Variants in ADGRD1 observed in about 807,000 individuals in gnomAD.
ADGRD1 encodes the protein G-protein coupled receptor 133.
Under a neutral mutation model 113.4 loss-of-function variants are expected in ADGRD1, and 77 were observed. The ratio of observed to expected loss-of-function variants is 0.68; its 90% CI spans 0.57 to 0.82. The LOEUF (loss-of-function observed/expected upper bound fraction) is 0.82, where lower values mean the gene tolerates loss of function less well. ADGRD1 is among the 40% of genes least tolerant of loss of function. The pLI is 0.00. For missense variants in ADGRD1, 1,036 were observed against 1,139.1 expected (o/e 0.91, Z 1.30); for synonymous variants, 474 against 475.0 (o/e 1.00, Z 0.03).
At position 131,084,873 on chromosome 12, in the gene ADGRD1, T is replaced by C. The variant is rs898791292; in HGVS notation, c.1671+210T>C. On this transcript the variant is annotated intron_variant, in intron 15 of 24. Transcript: ENST00000261654. The surrounding 1 kb of genome is among the most constrained non-coding windows in gnomAD (Gnocchi z 4.5). ...TGCCAGCAAATATCCGAGGAGCCCA[T>C]GATTGTGTAAATCGAGTCCAGTGTG... 6.6e-6 allele frequency among the ~76,000 whole-genome samples: 1 copy of C among 152,208 alleles called. No individual in the cohort carries two copies. The highest frequency in any genetic ancestry group is 2.4e-5 in the African/African-American group (1 of 41,452).
At chr12:131,092,039 C>T (rs539579452) in intron 15 of ADGRD1, 1 of 152,352 alleles carries the variant, frequency 6.6e-6, no homozygotes, top group African/African-American at 2.4e-5. Flanking sequence ...GCCAGAATGC[C>T]ACATGCGTGC....
At chr12:131,011,964 C>G (rs942170748) in intron 12 of ADGRD1, among the ~76,000 whole-genome samples, 7 of 152,082 alleles carry the variant, frequency 4.6e-5, no homozygotes, top group African/African-American at 1.7e-4. Context: ...TTGCCTTGGT[C>G]CCCCCCAACT....
intron 13 of ADGRD1, among the ~76,000 whole-genome samples, chr12:131,066,061 CG>C (rs1306483253): frequency 6.6e-6 from 1 of 152,082 alleles, no homozygotes; most frequent in African/African-American, 2.4e-5. Context: ...GCCCCAGGGC[CG>C]GGCCAGGGGC....
Position 131,118,919 on chromosome 12 carries a change from G to A in ADGRD1, c.2108+468G>A, listed in dbSNP as rs185134196. Reference sequence around the variant, plus strand: ...TGTGCACCAGGCAGGTGGTCTTGAGGGTCCCATTGCTTGGGTAGTAGGGGA... The same window carrying A: ...TGTGCACCAGGCAGGTGGTCTTGAGAGTCCCATTGCTTGGGTAGTAGGGGA... On this transcript the variant is annotated intron_variant, in intron 19 of 24. Coordinates refer to ENST00000261654, the MANE Select transcript of ADGRD1 (RefSeq NM_198827.5). Among the ~76,000 whole-genome samples, 743 of 152,248 alleles carry A rather than the reference G, an allele frequency of 4.9e-3. 4 individuals are homozygous for A. Among genetic ancestry groups the A allele is most frequent in the Admixed American group, 4.8e-3 (74 of 15,302 alleles).
chr12:130,954,931 T>C lies in ADGRD1; in HGVS notation c.103+271T>C, dbSNP rs1018386780. Among the ~76,000 whole-genome samples the C allele has an allele frequency of 6.6e-6, 1 of 151,794 alleles. No individual in the cohort carries two copies. The highest frequency in any genetic ancestry group is 1.5e-5 in the Non-Finnish European group (1 of 67,962). ...TAAGGAAATATGATCTTCATTTGAA[T>C]GCCTTCTGCCTCTTTCTTTCTCTCT... On this transcript the variant is annotated intron_variant, in intron 2 of 24. Transcript: ENST00000261654. This position sits in a 1 kb window ranked among gnomAD's most constrained non-coding sequence, Gnocchi z 4.7.
At chr12:131,044,768 G>T (rs1353557849) in intron 13 of ADGRD1, among the ~76,000 whole-genome samples, 1 of 152,256 alleles carries the variant, frequency 6.6e-6, no homozygotes, top group Non-Finnish European at 1.5e-5. Context: ...GCATCACGCT[G>T]CCAGTGTGGT....
chr12:131,097,991 C>T (rs1159990574), intron 15 of ADGRD1, among the ~76,000 whole-genome samples: 7 of 152,212 alleles, frequency 4.6e-5, no homozygotes, highest in Non-Finnish European at 8.8e-5. Flanking sequence ...CTGGCATGGG[C>T]GTCCCCCTGT....
intron 17 of ADGRD1, among the ~76,000 whole-genome samples, chr12:131,106,347 C>A (rs539738250): frequency 6.6e-6 from 1 of 152,304 alleles, no homozygotes; most frequent in East Asian, 1.9e-4. Context: ...GACCTGCAGA[C>A]CTAGATGCCA....
chr12:130,963,022 T>C (rs769850873), intron 2 of ADGRD1: 2 of 152,146 alleles, frequency 1.3e-5, no homozygotes, highest in East Asian at 3.8e-4. Context: ...GAATACAGAT[T>C]GAAAAATTCA....
At chr12:131,000,759 A>AG (rs997731890) in intron 9 of ADGRD1, among the ~76,000 whole-genome samples, 2 of 151,578 alleles carry the variant, frequency 1.3e-5, no homozygotes, top group African/African-American at 4.9e-5. Context: ...AAAAAAAAAA[A>AG]AAAAAAGAGA....
chr12:131,018,990 C>T (rs993392040), intron 13 of ADGRD1, among the ~76,000 whole-genome samples: 16 of 152,212 alleles, frequency 1.1e-4, no homozygotes, highest in African/African-American at 3.6e-4. Context: ...GGCACAGACT[C>T]GTAGGCCTCC....
chr12:130,985,585 T>C (rs1208076410), intron 5 of ADGRD1, among the ~76,000 whole-genome samples: 2 of 151,818 alleles, frequency 1.3e-5, no homozygotes, highest in Admixed American at 1.3e-4. Context: ...AGTTTGGCTC[T>C]TGTTGTCCAG....
intron 18 of ADGRD1, among the ~76,000 whole-genome samples, chr12:131,115,205 C>T (rs1024889865): frequency 6.6e-6 from 1 of 152,120 alleles, no homozygotes; most frequent in Non-Finnish European, 1.5e-5. Context: ...CATGGTGGCC[C>T]GTGGTGGTGG....
rs1871061299 is a variant in ADGRD1 at position 130,966,874 on chromosome 12, C to A, written c.187+328C>A. 1 of 426,618 alleles carries A rather than the reference C, an allele frequency of 2.3e-6. No individual in the cohort carries two copies. 26.4% of individuals were successfully genotyped at this position (426,618 alleles called of 1,614,324 possible). A position where few individuals can be genotyped will look rare whatever the true frequency, so the allele number is the denominator to read the frequency against. On this transcript the variant is annotated intron_variant, in intron 3 of 24. Transcript: ENST00000261654. The surrounding 1 kb of genome is among the most constrained non-coding windows in gnomAD (Gnocchi z 4.6). ...GGCCTCAGCAATCCTCTGGCCTTGG[C>A]CTCCCAAAGTGCTGGAATTACAGGC...
chr12:130,957,745 T>G (rs969660717), intron 2 of ADGRD1: 3 of 152,222 alleles, frequency 2.0e-5, no homozygotes, highest in Non-Finnish European at 4.4e-5. Flanking sequence ...ACGACGGCCA[T>G]GCTGATGACA....
rs996973379 is a variant in ADGRD1, at chr12:130,969,139, A to G, written c.188-2319A>G. ...GGATCTACGATGAATTCTAAGGCCA[A>G]TTCTGTTTGGTAGTATCTGAATTCA... On this transcript the variant is annotated intron_variant, in intron 3 of 24. Transcript: ENST00000261654. The G allele has an allele frequency of 5.6e-6, 5 of 893,268 alleles. No homozygotes were observed. In the African/African-American group the frequency reaches 8.2e-5, roughly 15 times the overall value. The allele number at this position is 893,268 out of a possible 1,614,324, so 55.3% of individuals were successfully genotyped here.
chr12:131,121,542 A>G (rs1205561315), intron 20 of ADGRD1, among the ~76,000 whole-genome samples: 2 of 152,040 alleles, frequency 1.3e-5, no homozygotes, highest in Non-Finnish European at 2.9e-5. Context: ...CACCACGCCC[A>G]GCTAATTTTG....
rs114054615 is a variant in ADGRD1 at position 131,093,031 on chromosome 12, C to T, written c.1671+8368C>T. ...GGGCCCCCCGGTCCCCATGGCCTCC[C>T]CGTACCACAAGCAGCTGCCCCTCCT... On this transcript the variant is annotated intron_variant, in intron 15 of 24. Transcript: ENST00000261654. Among the ~76,000 whole-genome samples the T allele has an allele frequency of 3.4e-3, 518 of 152,130 alleles. 1 individual carries two copies. The highest frequency in any genetic ancestry group is 0.012 in the African/African-American group (488 of 41,520).
intron 13 of ADGRD1, among the ~76,000 whole-genome samples, chr12:131,064,261 C>T (rs922589883): frequency 6.6e-6 from 1 of 152,202 alleles, no homozygotes; most frequent in African/African-American, 2.4e-5. Flanking sequence ...TAGGAAGAAA[C>T]CATTCTGTCT....
Sources: gnomAD v4.1 joint callset for allele counts (sites outside exome capture counted in the v4.1 genomes callset) on GRCh38, gnomAD v4.1.1 for gene constraint, Gnocchi (gnomAD v3.1) non-coding constraint, MANE v1.5 for transcripts, NCBI Gene and HGNC (gene_info 2026-07-23, HGNC 2026-07-21) for gene names.